GPC6: variants seen among roughly 807,000 people sequenced by gnomAD.
The protein encoded by GPC6 is glypican-6.
Under a neutral mutation model 55.2 loss-of-function variants are expected in GPC6, and 14 were observed. The observed-to-expected ratio is 0.25, with a 90% CI of 0.17 to 0.40. The LOEUF is 0.40. Ranked by LOEUF, GPC6 falls within the 10% of genes least tolerant of loss-of-function variation. The probability of loss-of-function intolerance (pLI) is 1.00; values close to 1 mark genes in which losing one functional copy is unlikely to be tolerated. For synonymous variants in GPC6, 278 were observed against 259.6 expected (o/e 1.07, Z -0.68); for missense variants, 641 against 708.5 (o/e 0.90, Z 1.08).
At chr13:93,987,472 G>A (rs966666995) in intron 3 of GPC6, among the ~76,000 whole-genome samples, 13 of 152,246 alleles carry the variant, frequency 8.5e-5, no homozygotes, top group Admixed American at 6.5e-5. Context: ...AACACATCCA[G>A]TAAAGATTCT....
intron 4 of GPC6, among the ~76,000 whole-genome samples, chr13:94,243,498 G>T (rs1891114539): frequency 6.6e-6 from 1 of 152,108 alleles, no homozygotes; most frequent in African/African-American, 2.4e-5. Flanking sequence ...CAGTTTGTCT[G>T]AAAGGGTCTT....
chr13:94,378,649 T>C (rs1880012988), intron 6 of GPC6, among the ~76,000 whole-genome samples: 2 of 152,202 alleles, frequency 1.3e-5, no homozygotes, highest in Admixed American at 6.5e-5. Flanking sequence ...AGAGGGCTCA[T>C]GTTTTTCCTA....
chr13:94,325,906 T>TGACCTCCTTCCCTCAAA, intron 6 of GPC6, among the ~76,000 whole-genome samples: 1 of 152,168 alleles, frequency 6.6e-6, no homozygotes, highest in East Asian at 1.9e-4. Flanking sequence ...GCTCTGACCA[T>TGACCTCCTTCCCTCAAA]GACCTCCTTC....
At chr13:93,402,815 C>A (rs1239939905) in intron 1 of GPC6, among the ~76,000 whole-genome samples, 1 of 152,028 alleles carries the variant, frequency 6.6e-6, no homozygotes, top group Non-Finnish European at 1.5e-5. Flanking sequence ...CTTATTGGAC[C>A]CATTTTCCAA....
intron 4 of GPC6, among the ~76,000 whole-genome samples, chr13:94,159,739 T>A (rs1888088100): frequency 6.6e-6 from 1 of 152,198 alleles, no homozygotes; most frequent in South Asian, 2.1e-4. Flanking sequence ...TATACTTACA[T>A]GTCTAAGATA....
At chr13:94,186,207 C>T (rs757670516) in intron 4 of GPC6, among the ~76,000 whole-genome samples, 5 of 151,850 alleles carry the variant, frequency 3.3e-5, no homozygotes, top group Admixed American at 2.0e-4. Context: ...CATATTTACT[C>T]AGCAATCTTT....
rs538415995 is a variant in GPC6 at position 93,423,720 on chromosome 13, C to G, written c.161-121543C>G. Among the ~76,000 whole-genome samples, 65 of 152,250 alleles carry G rather than the reference C, an allele frequency of 4.3e-4. 1 individual carries two copies. The highest frequency in any genetic ancestry group is 6.8e-3 in the Middle Eastern group (2 of 294). ...GCCACCAACAGACTTCTGATATTTT[C>G]TTGACTAATGGAGGTGTGATCATTT... On this transcript the variant is annotated intron_variant, in intron 1 of 8. Coordinates refer to ENST00000377047, the MANE Select transcript of GPC6 (RefSeq NM_005708.5).
rs186959708 is a variant in GPC6, at chr13:93,939,780, C to T, written c.712-87949C>T. The stretch of plus-strand genomic sequence containing the variant: ...ACCAACATTTTAAGGGCACTAAACA[C>T]TCTTTCTTTTTTTTAAATAACTATT... On this transcript the variant is annotated intron_variant, in intron 3 of 8. Transcript: ENST00000377047. Among the ~76,000 whole-genome samples the T allele has an allele frequency of 5.9e-5, 9 of 152,214 alleles. No individual in the cohort carries two copies. The East Asian group carries it at 1.6e-3, about 26-fold the overall frequency.
intron 3 of GPC6, among the ~76,000 whole-genome samples, chr13:93,976,245 C>A (rs1283882869): frequency 6.6e-6 from 1 of 152,034 alleles, no homozygotes; most frequent in African/African-American, 2.4e-5. Context: ...ACTGTCAAAT[C>A]TGATATGCAT....
chr13:94,010,678 A>G (rs764125354), intron 3 of GPC6, among the ~76,000 whole-genome samples: 5 of 152,188 alleles, frequency 3.3e-5, no homozygotes, highest in Non-Finnish European at 7.4e-5. Context: ...ATATTCGTAA[A>G]TTATATTTTT....
chr13:94,124,735 C>G (rs1886748190), intron 4 of GPC6, among the ~76,000 whole-genome samples: 1 of 152,056 alleles, frequency 6.6e-6, no homozygotes, highest in African/African-American at 2.4e-5. Flanking sequence ...TTTAAGAATT[C>G]AATTTGTAGA....
At chr13:93,538,228 T>C (rs1203981541) in intron 1 of GPC6, among the ~76,000 whole-genome samples, 2 of 152,182 alleles carry the variant, frequency 1.3e-5, no homozygotes, top group African/African-American at 4.8e-5. Flanking sequence ...CTTTTTCTTC[T>C]AAGTAGTAGT....
chr13:93,969,594 C>CT (rs925928985), intron 3 of GPC6, among the ~76,000 whole-genome samples: 29 of 148,938 alleles, frequency 1.9e-4, no homozygotes, highest in East Asian at 7.9e-4. Context: ...CAAACTAAGA[C>CT]TTTTTTTTTT....
intron 4 of GPC6, among the ~76,000 whole-genome samples, chr13:94,034,016 A>T (rs1883236132): frequency 6.6e-6 from 1 of 152,150 alleles, no homozygotes; most frequent in African/African-American, 2.4e-5. Flanking sequence ...GACTTTTTTA[A>T]AAAAACAAAG....
intron 4 of GPC6, among the ~76,000 whole-genome samples, chr13:94,179,518 G>A (rs1250295421): frequency 1.3e-5 from 2 of 151,918 alleles, no homozygotes; most frequent in Non-Finnish European, 2.9e-5. Context: ...TTAAAAATTT[G>A]TTTAACTTAG....
intron 1 of GPC6, among the ~76,000 whole-genome samples, chr13:93,369,815 TATA>T (rs1455141106): frequency 2.6e-5 from 4 of 152,184 alleles, no homozygotes; most frequent in Non-Finnish European, 4.4e-5. Flanking sequence ...AATCAACTTT[TATA>T]ATATTTCCAG....
intron 2 of GPC6, among the ~76,000 whole-genome samples, chr13:93,681,445 G>A (rs533144812): frequency 3.3e-5 from 5 of 152,068 alleles, no homozygotes; most frequent in Non-Finnish European, 2.9e-5. Context: ...TGAATGCTTA[G>A]CAAACTGATT....
At chr13:93,826,493 T>G (rs182049788) in intron 2 of GPC6, among the ~76,000 whole-genome samples, 1 of 152,200 alleles carries the variant, frequency 6.6e-6, no homozygotes, top group East Asian at 1.9e-4. Flanking sequence ...TTTAAGCAAG[T>G]TTTTAATAGG....
chr13:94,152,296 A>G (rs1302344594), intron 4 of GPC6, among the ~76,000 whole-genome samples: 1 of 152,184 alleles, frequency 6.6e-6, no homozygotes, highest in Non-Finnish European at 1.5e-5. Flanking sequence ...AGAAGTAAAA[A>G]GTGGATTGGA....
Sources: gnomAD v4.1 joint callset for allele counts (sites outside exome capture counted in the v4.1 genomes callset) on GRCh38, gnomAD v4.1.1 for gene constraint, MANE v1.5 for transcripts, NCBI Gene and HGNC (gene_info 2026-07-23, HGNC 2026-07-21) for gene names.